Variants in PACSIN1 observed in about 807,000 individuals in gnomAD.
The protein encoded by PACSIN1 is protein kinase C and casein kinase substrate in neurons protein 1.
Under a neutral mutation model 59.5 loss-of-function variants are expected in PACSIN1, and 15 were observed. The ratio of observed to expected loss-of-function variants is 0.25; its 90% CI spans 0.17 to 0.39. PACSIN1 has a LOEUF of 0.39. Ranked by LOEUF, PACSIN1 falls within the 10% of genes least tolerant of loss-of-function variation. The probability of loss-of-function intolerance (pLI) is 1.00; values close to 1 mark genes in which losing one functional copy is unlikely to be tolerated. For synonymous variants in PACSIN1, 210 were observed against 220.6 expected, an observed-to-expected ratio of 0.95 and a Z score of 0.42; for missense variants, 420 against 580.2, an observed-to-expected ratio of 0.72 and a Z score of 2.84.
At chr6:34,509,975 T>C (rs1294075780) in intron 1 of PACSIN1, among the ~76,000 whole-genome samples, 1 of 152,266 alleles carries the variant, frequency 6.6e-6, no homozygotes, top group East Asian at 1.9e-4. Context: ...TGGGATCTTT[T>C]TCATTGCTGT....
intron 1 of PACSIN1, among the ~76,000 whole-genome samples, chr6:34,467,491 T>C (rs189826683): frequency 1.3e-5 from 2 of 151,872 alleles, no homozygotes; most frequent in African/African-American, 4.8e-5. Flanking sequence ...GCTTTCTCTC[T>C]ATTCCCCAGG....
Position 34,503,323 on chromosome 6 carries a change from A to T in PACSIN1, c.-63-22920A>T, listed in dbSNP as rs566313275. Among the ~76,000 whole-genome samples the T allele has an allele frequency of 3.9e-5, 6 of 152,134 alleles. No individual in the cohort carries two copies. The South Asian group carries it at 1.2e-3, about 32-fold the overall frequency. On this transcript the variant is annotated intron_variant, in intron 1 of 9. Coordinates refer to ENST00000244458, the MANE Select transcript of PACSIN1 (RefSeq NM_020804.5). ...AAAAAGCCTGATTGAAATTCCCAGG[A>T]GCTATGTGACTTTGGACAATTCCTT...
chr6:34,467,097 A>C (rs1377063186), intron 1 of PACSIN1, among the ~76,000 whole-genome samples: 1 of 150,392 alleles, frequency 6.6e-6, no homozygotes, highest in Non-Finnish European at 1.5e-5. Flanking sequence ...TAAATAACCC[A>C]CATTGCCCCA....
intron 1 of PACSIN1, among the ~76,000 whole-genome samples, chr6:34,505,527 CTTT>C (rs35006388): frequency 1.8e-5 from 2 of 109,056 alleles, no homozygotes. Context: ...CCTTTTCTTT[CTTT>C]TTTTTTTTTT....
rs1561961920 is a variant in PACSIN1 at position 34,498,943 on chromosome 6, C to T, written c.-63-27300C>T. ...GGTTTCGTGGAAGACAGTTTTTCCA[C>T]AGACTGGGGTTGGGGGGTGGTTTTC... is the stretch of plus-strand genomic sequence containing the variant. On this transcript the variant is annotated intron_variant, in intron 1 of 9. Transcript: ENST00000244458. Among the ~76,000 whole-genome samples, 3 of 152,040 alleles carry T rather than the reference C, an allele frequency of 2.0e-5. 1 individual carries two copies. In the South Asian group the frequency reaches 6.2e-4, roughly 32 times the overall value.
At chr6:34,505,584 G>T (rs1581972989) in intron 1 of PACSIN1, among the ~76,000 whole-genome samples, 5 of 90,592 alleles carry the variant, frequency 5.5e-5, no homozygotes, top group Admixed American at 2.4e-4. Context: ...AATTTCTATT[G>T]TTCTATCTTC....
chr6:34,493,722 T>C (rs1417625573), intron 1 of PACSIN1, among the ~76,000 whole-genome samples: 1 of 151,814 alleles, frequency 6.6e-6, no homozygotes, highest in African/African-American at 2.4e-5. Context: ...ACTACCTGAT[T>C]CTAATACCAA....
intron 1 of PACSIN1, among the ~76,000 whole-genome samples, chr6:34,524,940 T>A (rs1767457441): frequency 6.6e-6 from 1 of 152,168 alleles, no homozygotes; most frequent in Non-Finnish European, 1.5e-5. Context: ...GAGTTCTATG[T>A]GACATTAAGG....
At chr6:34,524,183 T>C (rs1394555515) in intron 1 of PACSIN1, among the ~76,000 whole-genome samples, 1 of 151,974 alleles carries the variant, frequency 6.6e-6, no homozygotes, top group Non-Finnish European at 1.5e-5. Context: ...CTGGACGAGG[T>C]AGAGAGTGGT....
Position 34,507,342 on chromosome 6 carries a change from C to A in PACSIN1, c.-63-18901C>A, listed in dbSNP as rs114695975. Among the ~76,000 whole-genome samples, 400 of 152,092 alleles carry A rather than the reference C, an allele frequency of 2.6e-3. 1 individual carries two copies. Among genetic ancestry groups the A allele is most frequent in the African/African-American group, 9.1e-3 (379 of 41,502 alleles). On this transcript the variant is annotated intron_variant, in intron 1 of 9. Transcript: ENST00000244458. ...CTCTAGTCAGTCTGTCTTCTCTCTG[C>A]CTTTAAGAGTCTTCTTCTGTTTGTT...
At chr6:34,492,232 C>T (rs1470083940) in intron 1 of PACSIN1, among the ~76,000 whole-genome samples, 1 of 121,404 alleles carries the variant, frequency 8.2e-6, no homozygotes, top group East Asian at 2.6e-4. Context: ...GGCAAAATCT[C>T]ACTCTGTTGC....
chr6:34,532,835 T>C lies in PACSIN1; in HGVS notation c.*305T>C. 3.3e-6 allele frequency: 1 copy of C among 305,292 alleles called. No individual in the cohort carries two copies. The highest frequency in any genetic ancestry group is 6.1e-6 in the Non-Finnish European group (1 of 163,526). The allele number at this position is 305,292 out of a possible 1,614,324, so 18.9% of individuals were successfully genotyped here. ...AGTCTCCTGAGCCCTGAGGGATGGA[T>C]GTCTCCTGACCCTTCCACCCCGCCT... is the stretch of plus-strand genomic sequence containing the variant. On this transcript the variant is annotated 3_prime_UTR_variant, in exon 10 of 10. Coordinates refer to ENST00000244458, the MANE Select transcript of PACSIN1 (RefSeq NM_020804.5). The surrounding 1 kb of genome is among the most constrained non-coding windows in gnomAD (Gnocchi z 5.2).
At chr6:34,469,801 A>G (rs1189476878) in intron 1 of PACSIN1, among the ~76,000 whole-genome samples, 2 of 152,158 alleles carry the variant, frequency 1.3e-5, no homozygotes, top group Non-Finnish European at 2.9e-5. Context: ...GGTTGGGAGG[A>G]ACCCAGAGGT....
At chr6:34,485,211 T>C (rs888555192) in intron 1 of PACSIN1, 8 of 152,136 alleles carry the variant, frequency 5.3e-5, no homozygotes, top group Admixed American at 2.6e-4. Flanking sequence ...TGTTTTTATT[T>C]TTCAATTTTA....
At chr6:34,471,668 C>T (rs1260466879) in intron 1 of PACSIN1, among the ~76,000 whole-genome samples, 2 of 152,254 alleles carry the variant, frequency 1.3e-5, no homozygotes, top group African/African-American at 2.4e-5. Flanking sequence ...TCACGTCAGT[C>T]GGGGAGCATA....
At chr6:34,512,328 C>A (rs1767216941) in intron 1 of PACSIN1, among the ~76,000 whole-genome samples, 1 of 99,534 alleles carries the variant, frequency 1.0e-5, no homozygotes, top group Admixed American at 1.5e-4. Flanking sequence ...TGCCTGGCAG[C>A]AGATGGGGCT....
intron 3 of PACSIN1, among the ~76,000 whole-genome samples, chr6:34,527,954 A>G (rs1224853448): frequency 6.6e-6 from 1 of 152,242 alleles, no homozygotes; most frequent in African/African-American, 2.4e-5. Flanking sequence ...GGGACATGTA[A>G]TACGACCCAT....
chr6:34,497,507 G>A (rs1424231497), intron 1 of PACSIN1, among the ~76,000 whole-genome samples: 4 of 152,162 alleles, frequency 2.6e-5, no homozygotes, highest in Non-Finnish European at 5.9e-5. Context: ...CTTCTCCAAC[G>A]AGGCTCCTCG....
chr6:34,471,090 T>A (rs1278197817), intron 1 of PACSIN1, among the ~76,000 whole-genome samples: 1 of 152,052 alleles, frequency 6.6e-6, no homozygotes, highest in Non-Finnish European at 1.5e-5. Context: ...AGATTACAGG[T>A]GCCGGCCACC....
Sources: gnomAD v4.1 joint callset for allele counts (sites outside exome capture counted in the v4.1 genomes callset) on GRCh38, gnomAD v4.1.1 for gene constraint, Gnocchi (gnomAD v3.1) non-coding constraint, MANE v1.5 for transcripts, NCBI Gene and HGNC (gene_info 2026-07-23, HGNC 2026-07-21) for gene names.